Variants in UNC80 observed in about 807,000 individuals in gnomAD.
UNC80 encodes protein unc-80 homolog.
A neutral mutation model predicts 384.6 loss-of-function variants in UNC80; 164 were observed. The ratio of observed to expected loss-of-function variants is 0.43; its 90% confidence interval spans 0.38 to 0.49. The LOEUF is 0.49. Among genes scored for constraint, UNC80 ranks in the 20% least tolerant of loss-of-function variants. UNC80 has a pLI of 0.00. For missense variants in UNC80, 3,330 were observed against 4,143.0 expected (o/e 0.80, Z 5.39); for synonymous variants, 1,486 against 1,527.8 (o/e 0.97, Z 0.64).
At chr2:209,886,679 G>T (rs2085839091) in intron 25 of UNC80, among the ~76,000 whole-genome samples, 3 of 152,186 alleles carry the variant, frequency 2.0e-5, no homozygotes, top group African/African-American at 7.2e-5. Context: ...ACTGCTTTGA[G>T]CCTCTGGCCT....
At chr2:209,899,015 C>T (rs187351638) in intron 28 of UNC80, among the ~76,000 whole-genome samples, 33 of 152,204 alleles carry the variant, frequency 2.2e-4, no homozygotes, top group Admixed American at 1.7e-3. Flanking sequence ...TTTGTTCATT[C>T]GTCTGTTGAT....
intron 59 of UNC80, among the ~76,000 whole-genome samples, chr2:209,980,651 C>T (rs780723918): frequency 3.9e-5 from 6 of 152,076 alleles, no homozygotes; most frequent in African/African-American, 7.2e-5. Context: ...TAAGGCCTAT[C>T]GGGTATAAGA....
intron 7 of UNC80, chr2:209,808,765 A>C: frequency 4.5e-5 from 2 of 44,544 alleles, no homozygotes; most frequent in Non-Finnish European, 7.3e-5. Context: ...CGCCTGCGCT[A>C]CTTCTGCGCT....
At chr2:209,815,156 C>T (rs2079639851) in intron 8 of UNC80, 101 bp from the exon 9 acceptor site, 1 of 1,189,816 alleles carries the variant, frequency 8.4e-7, no homozygotes, top group Non-Finnish European at 1.1e-6. Flanking sequence ...TCAAAGATGT[C>T]AAAGCTATAG....
Position 209,932,583 on chromosome 2 carries a change from G to A in UNC80, c.5995-1239G>A, listed in dbSNP as rs1179535382. On this transcript the variant is annotated intron_variant, in intron 38 of 64. Coordinates refer to ENST00000673920, the MANE Select transcript of UNC80 (RefSeq NM_001371986.1). ...TTGCTCTCCTCCATCCTTTAGCTCC[G>A]CAACAAAAATATTTTTAAGGGAGCT... 2.6e-5 allele frequency among the ~76,000 whole-genome samples: 4 copies of A among 152,102 alleles called. No homozygotes were observed. The South Asian group carries it at 8.3e-4, about 32-fold the overall frequency.
At chr2:209,951,752 TA>T (rs1160921008) in intron 47 of UNC80, among the ~76,000 whole-genome samples, 1 of 152,220 alleles carries the variant, frequency 6.6e-6, no homozygotes, top group African/African-American at 2.4e-5. Flanking sequence ...TAGCTTTCAA[TA>T]ATTTTAGAAA....
chr2:209,975,866 ATAG>A (rs1441081737), intron 56 of UNC80, among the ~76,000 whole-genome samples: 40 of 152,188 alleles, frequency 2.6e-4, no homozygotes, highest in Admixed American at 2.6e-3. Context: ...ATTTTCCAAG[ATAG>A]TAGTTCTTAA....
chr2:209,832,080 G>T (rs760129501), intron 16 of UNC80, among the ~76,000 whole-genome samples: 3 of 152,152 alleles, frequency 2.0e-5, no homozygotes, highest in African/African-American at 4.8e-5. Flanking sequence ...GTCACAATAG[G>T]ATAGGGAAGA....
chr2:209,937,649 T>A lies in UNC80; in HGVS notation c.6465+19T>A. ...GAAACAGGTGACAGACCACGTCAGT[T>A]TTATTCCATGGTTTTGTCATGTTGT... On this transcript the variant is annotated intron_variant, in intron 42 of 64. Coordinates refer to ENST00000673920, the MANE Select transcript of UNC80 (RefSeq NM_001371986.1). 2 of 1,515,340 alleles carry A rather than the reference T, an allele frequency of 1.3e-6. No individual in the cohort carries two copies. Among genetic ancestry groups the A allele is most frequent in the Non-Finnish European group, 1.8e-6 (2 of 1,113,628 alleles). 93.9% of individuals were successfully genotyped at this position (1,515,340 alleles called of 1,614,324 possible). A position where few individuals can be genotyped will look rare whatever the true frequency, so the allele number is the denominator to read the frequency against.
At chr2:209,778,115 A>C (rs1260399939) in intron 4 of UNC80, among the ~76,000 whole-genome samples, 1 of 152,148 alleles carries the variant, frequency 6.6e-6, no homozygotes, top group African/African-American at 2.4e-5. Context: ...ACAGGGTCTA[A>C]GTTTTAGCCA....
At chr2:209,871,320 C>G (rs999652497) in intron 22 of UNC80, among the ~76,000 whole-genome samples, 1 of 152,078 alleles carries the variant, frequency 6.6e-6, no homozygotes, top group Non-Finnish European at 1.5e-5. Context: ...ATTTTATGTT[C>G]CTATATTCAC....
At chr2:209,993,258 A>C in intron 62 of UNC80, 57 bp from the exon 63 acceptor site, 1 of 1,326,506 alleles carries the variant, frequency 7.5e-7, no homozygotes, top group Non-Finnish European at 1.0e-6. Context: ...TAAAGAAACA[A>C]TTTCCTCCTA....
chr2:209,879,858 T>C (rs1373300560), intron 24 of UNC80, among the ~76,000 whole-genome samples: 1 of 145,132 alleles, frequency 6.9e-6, no homozygotes, highest in Non-Finnish European at 1.5e-5. Flanking sequence ...GGAGAGAAAA[T>C]GGTTTTCCTG....
Position 209,954,392 on chromosome 2 carries a change from C to G in UNC80, c.7457+122C>G, listed in dbSNP as rs1360224800. 4 of 981,342 alleles carry G rather than the reference C, an allele frequency of 4.1e-6. No homozygotes were observed. In the African/African-American group the frequency reaches 4.9e-5, roughly 12 times the overall value. The allele number at this position is 981,342 out of a possible 1,614,324, so 60.8% of individuals were successfully genotyped here. A position where few individuals can be genotyped will look rare whatever the true frequency, so the allele number is the denominator to read the frequency against. ...CCCAATCTTTATTTACAGATACCTC[C>G]TAAACTCAGCCCTTTATGCCTTATA... On this transcript the variant is annotated intron_variant, in intron 48 of 64. Transcript: ENST00000673920.
intron 61 of UNC80, among the ~76,000 whole-genome samples, chr2:209,990,933 T>C (rs958141671): frequency 1.3e-5 from 2 of 152,224 alleles, no homozygotes; most frequent in Non-Finnish European, 2.9e-5. Flanking sequence ...GGGAATCACA[T>C]TGATTTTTTA....
chr2:209,777,805 T>G (rs2076948389), intron 4 of UNC80, among the ~76,000 whole-genome samples: 1 of 152,194 alleles, frequency 6.6e-6, no homozygotes, highest in Non-Finnish European at 1.5e-5. Flanking sequence ...GCCCAACATA[T>G]TAAGCATAGA....
intron 60 of UNC80, among the ~76,000 whole-genome samples, chr2:209,983,490 T>A (rs1036738984): frequency 6.6e-6 from 1 of 152,146 alleles, no homozygotes; most frequent in African/African-American, 2.4e-5. Context: ...GAAAGTCTTA[T>A]ACACAAAAAG....
chr2:209,896,375 G>C lies in UNC80; in HGVS notation c.4543G>C (p.Ala1515Pro), dbSNP rs553977942. The C allele has an allele frequency of 2.6e-6, 4 of 1,551,450 alleles. No individual in the cohort carries two copies. The South Asian group carries it at 3.6e-5, about 14-fold the overall frequency. The part of the protein sequence containing the change: ...IEPEGMSNAG[A>P]EENYHRNMSW... ...GCCAGAGGGAATGAGTAATGCCGGC[G>C]CGGAGGAGAATTACCACAGAAACAT... is the stretch of plus-strand genomic sequence containing the variant. Residue 1515 changes from alanine (A) to proline (P), a missense_variant, in exon 28 of 65, where the codon GCG becomes CCG. Transcript: ENST00000673920.
At chr2:209,821,798 G>A (rs1298786485) in intron 13 of UNC80, among the ~76,000 whole-genome samples, 2 of 152,130 alleles carry the variant, frequency 1.3e-5, no homozygotes, top group Non-Finnish European at 2.9e-5. Flanking sequence ...GCTAGGAAAT[G>A]ATATTCAGAA....
Sources: allele counts gnomAD v4.1 joint callset (sites outside exome capture counted in the v4.1 genomes callset), GRCh38; gene constraint gnomAD v4.1.1; transcripts MANE v1.5; gene names NCBI Gene and HGNC (gene_info 2026-07-23, HGNC 2026-07-21).